The following IL18R1 variants were observed in gnomAD, a reference collection of about 807,000 sequenced individuals.
IL18R1 encodes interleukin 18 receptor 1.
A neutral mutation model predicts 48.5 loss-of-function variants in IL18R1; 40 were observed. The ratio of observed to expected loss-of-function variants is 0.82; its 90% CI spans 0.64 to 1.07. The LOEUF (loss-of-function observed/expected upper bound fraction) is 1.07. Among genes scored for constraint, IL18R1 ranks in the 50% least tolerant of loss-of-function variants. IL18R1 has a pLI of 0.00. For missense variants in IL18R1, 596 were observed against 633.7 expected, an observed-to-expected ratio of 0.94 and a Z score of 0.64; for synonymous variants, 232 against 225.9, an observed-to-expected ratio of 1.03 and a Z score of -0.24.
intron 7 of IL18R1, among the ~76,000 whole-genome samples, chr2:102,385,810 A>G (rs1680190493): frequency 6.6e-6 from 1 of 152,104 alleles, no homozygotes; most frequent in Non-Finnish European, 1.5e-5. Flanking sequence ...ATCATATCTC[A>G]TCCTCAGCCA....
At chr2:102,358,892 T>C (rs1037241456) in intron 1 of IL18R1, among the ~76,000 whole-genome samples, 4 of 152,220 alleles carry the variant, frequency 2.6e-5, no homozygotes, top group Non-Finnish European at 5.9e-5. Flanking sequence ...ATGGATGTAA[T>C]TCATTCAATA....
At chr2:102,371,476 G>T (rs1679255703) in intron 3 of IL18R1, among the ~76,000 whole-genome samples, 1 of 152,182 alleles carries the variant, frequency 6.6e-6, no homozygotes, top group Non-Finnish European at 1.5e-5. Context: ...AACAGTAAAA[G>T]AAGGGGATTG....
At chr2:102,361,556 G>A (rs1019461865) in intron 1 of IL18R1, among the ~76,000 whole-genome samples, 5 of 152,128 alleles carry the variant, frequency 3.3e-5, no homozygotes, top group Non-Finnish European at 7.4e-5. Flanking sequence ...GCCTTAGATG[G>A]TTTAATCACT....
At chr2:102,371,837 A>C in intron 3 of IL18R1, 116 bp from the exon 4 acceptor site, 1 of 634,250 alleles carries the variant, frequency 1.6e-6, no homozygotes, top group Non-Finnish European at 2.7e-6. Flanking sequence ...TCAATGAATC[A>C]ATCTCTTTAA....
intron 3 of IL18R1, 24 bp from the exon 4 acceptor site, chr2:102,371,929 T>C (rs200049313): frequency 1.3e-5 from 18 of 1,348,640 alleles, no homozygotes; most frequent in Middle Eastern, 2.6e-4. Context: ...CATTATAAAA[T>C]ACCTTTACAC....
chr2:102,394,904 C>G (rs1269149104), intron 10 of IL18R1, among the ~76,000 whole-genome samples: 1 of 152,202 alleles, frequency 6.6e-6, no homozygotes. Flanking sequence ...GGGCCCAGAG[C>G]TGGCGTTATC....
chr2:102,389,403 T>C (rs781556144), intron 8 of IL18R1, among the ~76,000 whole-genome samples: 1 of 152,208 alleles, frequency 6.6e-6, no homozygotes, highest in African/African-American at 2.4e-5. Context: ...ATAATAAACA[T>C]AAACGGAATC....
chr2:102,388,036 A>G (rs1403701110), intron 8 of IL18R1, among the ~76,000 whole-genome samples: 1 of 152,122 alleles, frequency 6.6e-6, no homozygotes, highest in Non-Finnish European at 1.5e-5. Context: ...GAGACAGAGT[A>G]AGGGAGAGAT....
At chr2:102,378,650 A>C (rs1170090961) in intron 5 of IL18R1, among the ~76,000 whole-genome samples, 1 of 152,202 alleles carries the variant, frequency 6.6e-6, no homozygotes, top group East Asian at 1.9e-4. Flanking sequence ...ATAACTTGAA[A>C]GGTTTCTGGA....
At chr2:102,380,475 C>A (rs1000257222) in intron 5 of IL18R1, among the ~76,000 whole-genome samples, 1 of 152,160 alleles carries the variant, frequency 6.6e-6, no homozygotes, top group Non-Finnish European at 1.5e-5. Context: ...TACTGTCAGA[C>A]CTGAGAGTTA....
chr2:102,373,001 C>A (rs1252960768), intron 4 of IL18R1, among the ~76,000 whole-genome samples: 1 of 152,102 alleles, frequency 6.6e-6, no homozygotes, highest in Admixed American at 6.5e-5. Flanking sequence ...TTTTACCCCA[C>A]ACTTGAAAAA....
chr2:102,394,416 T>A lies in IL18R1; in HGVS notation c.1112-53T>A, dbSNP rs1236446779. 5 of 1,423,142 alleles carry A rather than the reference T, an allele frequency of 3.5e-6. No homozygotes were observed. In the African/African-American group the frequency reaches 7.2e-5, roughly 21 times the overall value. The allele number at this position is 1,423,142 out of a possible 1,614,324, so 88.2% of individuals were successfully genotyped here. A position where few individuals can be genotyped will look rare whatever the true frequency, so the allele number is the denominator to read the frequency against. Reference sequence around the variant, plus strand: ...TTACGACATTCACTTAAGTTTGTACTTAAATAAAATTTTATTTACACATGA... The same window carrying A: ...TTACGACATTCACTTAAGTTTGTACATAAATAAAATTTTATTTACACATGA... On this transcript the variant is annotated intron_variant, in intron 9 of 10. Transcript: ENST00000233957.
intron 5 of IL18R1, among the ~76,000 whole-genome samples, chr2:102,376,710 GGC>G (rs1679608457): frequency 6.6e-6 from 1 of 152,158 alleles, no homozygotes; most frequent in African/African-American, 2.4e-5. Context: ...GATGGACCCA[GGC>G]TGTGTGTGAT....
intron 5 of IL18R1, among the ~76,000 whole-genome samples, chr2:102,377,502 G>C (rs1299013429): frequency 6.6e-6 from 1 of 152,138 alleles, no homozygotes; most frequent in African/African-American, 2.4e-5. Flanking sequence ...TTTTTTAGTA[G>C]AGACGGGGTT....
At chr2:102,379,935 G>A (rs993378093) in intron 5 of IL18R1, among the ~76,000 whole-genome samples, 8 of 152,138 alleles carry the variant, frequency 5.3e-5, no homozygotes, top group Admixed American at 2.0e-4. Context: ...TTCCAATGTC[G>A]TTGAGTTTAA....
At position 102,397,002 on chromosome 2, in the gene IL18R1, C is replaced by A. The variant is rs1680862778; in HGVS notation, c.*116C>A. 4 of 667,914 alleles carry A rather than the reference C, an allele frequency of 6.0e-6. No homozygotes were observed. In the Admixed American group the frequency reaches 1.3e-4, roughly 22 times the overall value. The allele number at this position is 667,914 out of a possible 1,614,324, so 41.4% of individuals were successfully genotyped here. Reference sequence around the variant, plus strand: ...TAATTAACTTTGTCAAAATCCTGCTCACAATTTGAAGATGAAACTTGTCAT... The same window carrying A: ...TAATTAACTTTGTCAAAATCCTGCTAACAATTTGAAGATGAAACTTGTCAT... On this transcript the variant is annotated 3_prime_UTR_variant, in exon 11 of 11. Transcript: ENST00000233957.
In IL18R1 at chr2:102,371,935, T is replaced by A. The variant is rs778565125; in HGVS notation, c.303-18T>A. ...TTTCTGTAGCATTATAAAATACCTTTACACTTTTATTCCATAGAAATTATA... is the reference window on the plus strand; with the variant it reads ...TTTCTGTAGCATTATAAAATACCTTAACACTTTTATTCCATAGAAATTATA... On this transcript the variant is annotated intron_variant, in intron 3 of 10. Transcript: ENST00000233957. The A allele has an allele frequency of 5.0e-6, 7 of 1,402,092 alleles. No homozygotes were observed. The South Asian group carries it at 9.0e-5, about 18-fold the overall frequency. 86.9% of individuals were successfully genotyped at this position (1,402,092 alleles called of 1,614,324 possible).
In IL18R1 at chr2:102,398,149, G is replaced by A. The variant is rs1416335797; in HGVS notation, c.*1263G>A. ...TGAGGAGGTTTGCACATGTAGAGAA[G>A]CATACTGGAGAAGCATATCCAGAGG... On this transcript the variant is annotated 3_prime_UTR_variant, in exon 11 of 11. Coordinates refer to ENST00000233957, the MANE Select transcript of IL18R1 (RefSeq NM_003855.5). The A allele has an allele frequency of 6.6e-6, 1 of 152,342 alleles. No homozygotes were observed. Among genetic ancestry groups the A allele is most frequent in the Non-Finnish European group, 1.5e-5 (1 of 68,048 alleles). The allele number at this position is 152,342 out of a possible 1,614,324, so 9.4% of individuals were successfully genotyped here.
Position 102,355,878 on chromosome 2 carries a change from T to A in IL18R1, c.-551T>A, listed in dbSNP as rs1678217035. On this transcript the variant is annotated 5_prime_UTR_variant, in exon 1 of 11. Coordinates refer to ENST00000233957, the MANE Select transcript of IL18R1 (RefSeq NM_003855.5). ...CGCGGGAAAAGGGCAAGGCGCTGGG[T>A]TTTCCAGCAGCAACCTTTGGACCCC... 1.3e-5 allele frequency: 2 copies of A among 151,268 alleles called. No homozygotes were observed. Among genetic ancestry groups the A allele is most frequent in the Admixed American group, 1.3e-4 (2 of 15,230 alleles). 9.4% of individuals were successfully genotyped at this position (151,268 alleles called of 1,614,324 possible). A position where few individuals can be genotyped will look rare whatever the true frequency, so the allele number is the denominator to read the frequency against.
Sources: gnomAD v4.1 joint callset for allele counts (sites outside exome capture counted in the v4.1 genomes callset) on GRCh38, gnomAD v4.1.1 for gene constraint, MANE v1.5 for transcripts, NCBI Gene and HGNC (gene_info 2026-07-23, HGNC 2026-07-21) for gene names.